The following EBF1 variants were observed in gnomAD, a reference collection of about 807,000 sequenced individuals.
EBF1 encodes EBF transcription factor 1.
In EBF1, 10 loss-of-function variants were observed where a neutral mutation model predicts 68.4. The observed-to-expected ratio is 0.15, with a 90% CI of 0.09 to 0.25. EBF1 has a LOEUF of 0.25. EBF1 is among the 10% of genes least tolerant of loss of function. The probability of loss-of-function intolerance (pLI) is 1.00; values close to 1 mark genes in which losing one functional copy is unlikely to be tolerated. For missense variants in EBF1, 509 were observed against 794.4 expected (o/e 0.64, Z 4.32); for synonymous variants, 298 against 299.8 (o/e 0.99, Z 0.06).
chr5:158,813,808 A>C (rs1031565691), intron 8 of EBF1, among the ~76,000 whole-genome samples: 1 of 152,164 alleles, frequency 6.6e-6, no homozygotes, highest in Non-Finnish European at 1.5e-5. Flanking sequence ...TCAAACAAAA[A>C]TATTTCAAAA....
chr5:158,783,062 A>G (rs1776733377), intron 9 of EBF1, among the ~76,000 whole-genome samples: 1 of 152,232 alleles, frequency 6.6e-6, no homozygotes, highest in South Asian at 2.1e-4. Context: ...CTTAAAAAGT[A>G]TGCCACACAA....
chr5:158,874,322 T>C (rs1346748678), intron 6 of EBF1, among the ~76,000 whole-genome samples: 1 of 152,176 alleles, frequency 6.6e-6, no homozygotes, highest in African/African-American at 2.4e-5. Context: ...CTATAGCATG[T>C]TCCTACCCTC....
chr5:158,718,718 G>A (rs1350790684), intron 11 of EBF1, among the ~76,000 whole-genome samples: 3 of 152,110 alleles, frequency 2.0e-5, no homozygotes, highest in Non-Finnish European at 2.9e-5. Context: ...TCAGAGCCTG[G>A]CTCTTGAAAA....
intron 10 of EBF1, among the ~76,000 whole-genome samples, chr5:158,775,662 C>G (rs1175822556): frequency 1.3e-5 from 2 of 151,740 alleles, no homozygotes; most frequent in Non-Finnish European, 2.9e-5. Flanking sequence ...AAACTCCCAT[C>G]CATTGGAATG....
At chr5:158,822,749 T>C (rs1380677815) in intron 8 of EBF1, among the ~76,000 whole-genome samples, 1 of 152,204 alleles carries the variant, frequency 6.6e-6, no homozygotes, top group Non-Finnish European at 1.5e-5. Flanking sequence ...AGAGGATGGG[T>C]TCATTATAAA....
intron 7 of EBF1, among the ~76,000 whole-genome samples, chr5:158,832,507 G>A (rs549516154): frequency 1.3e-5 from 2 of 152,208 alleles, no homozygotes; most frequent in South Asian, 2.1e-4. Flanking sequence ...GAGAGTGATC[G>A]CAGCTCGGGC....
chr5:158,961,142 C>G (rs992423263), intron 6 of EBF1, among the ~76,000 whole-genome samples: 6 of 152,184 alleles, frequency 3.9e-5, no homozygotes, highest in African/African-American at 1.4e-4. Flanking sequence ...TTCAGTTTAC[C>G]AAGTTGGTAC....
At chr5:158,935,076 T>A (rs1348694687) in intron 6 of EBF1, among the ~76,000 whole-genome samples, 1 of 152,232 alleles carries the variant, frequency 6.6e-6, no homozygotes, top group African/African-American at 2.4e-5. Flanking sequence ...AAAATACATT[T>A]AAGAAAAATT....
chr5:158,701,175 A>G (rs1756687088), intron 15 of EBF1, among the ~76,000 whole-genome samples: 1 of 152,136 alleles, frequency 6.6e-6, no homozygotes, highest in Non-Finnish European at 1.5e-5. Context: ...GTGCAAGTCT[A>G]CTTTCGCTTT....
At chr5:158,972,256 A>T (rs1377845439) in intron 6 of EBF1, among the ~76,000 whole-genome samples, 1 of 151,958 alleles carries the variant, frequency 6.6e-6, no homozygotes, top group Non-Finnish European at 1.5e-5. Flanking sequence ...ATGCCCTGTC[A>T]CTCAGCCCTC....
chr5:158,863,309 C>T (rs927847583), intron 6 of EBF1, among the ~76,000 whole-genome samples: 1 of 152,136 alleles, frequency 6.6e-6, no homozygotes, highest in Non-Finnish European at 1.5e-5. Context: ...AAGTTCCTCC[C>T]GACAGGAATA....
At chr5:158,885,020 A>C (rs1389677292) in intron 6 of EBF1, among the ~76,000 whole-genome samples, 1 of 152,236 alleles carries the variant, frequency 6.6e-6, no homozygotes, top group Non-Finnish European at 1.5e-5. Context: ...CAGGCAGCAG[A>C]TGCAGCATGT....
intron 6 of EBF1, among the ~76,000 whole-genome samples, chr5:158,878,484 C>T (rs906342419): frequency 2.0e-5 from 3 of 152,136 alleles, no homozygotes; most frequent in Non-Finnish European, 4.4e-5. Flanking sequence ...CTGCTAAATG[C>T]TATGTCTCAT....
At chr5:158,853,567 G>A (rs935505491) in intron 6 of EBF1, among the ~76,000 whole-genome samples, 2 of 152,158 alleles carry the variant, frequency 1.3e-5, no homozygotes, top group Non-Finnish European at 2.9e-5. Flanking sequence ...GTGGGGAGGA[G>A]AGAAGGTAAG....
chr5:159,069,891 A>G (rs1777513122), intron 6 of EBF1, among the ~76,000 whole-genome samples: 2 of 152,210 alleles, frequency 1.3e-5, no homozygotes, highest in Admixed American at 1.3e-4. Context: ...GGACACAAGG[A>G]TATCCAATGT....
intron 6 of EBF1, among the ~76,000 whole-genome samples, chr5:159,054,491 GA>G (rs1471548221): frequency 6.6e-6 from 1 of 152,090 alleles, no homozygotes; most frequent in Non-Finnish European, 1.5e-5. Context: ...TCTGCACATA[GA>G]AAAAAATTTT....
intron 7 of EBF1, among the ~76,000 whole-genome samples, chr5:158,829,255 C>A (rs1005354177): frequency 6.6e-6 from 1 of 152,092 alleles, no homozygotes; most frequent in African/African-American, 2.4e-5. Context: ...CAGCTTACTG[C>A]AACCTCTGCG....
At chr5:159,018,910 C>T (rs969845543) in intron 6 of EBF1, 1 of 152,198 alleles carries the variant, frequency 6.6e-6, no homozygotes, top group Non-Finnish European at 1.5e-5. Flanking sequence ...TGTCTATAAA[C>T]TGAAAATATG....
chr5:158,895,085 C>A (rs1030387927), intron 6 of EBF1, among the ~76,000 whole-genome samples: 5 of 151,926 alleles, frequency 3.3e-5, no homozygotes, highest in African/African-American at 1.2e-4. Context: ...AATTTATTTA[C>A]CATTGTCCAA....
Sources: allele counts gnomAD v4.1 joint callset (sites outside exome capture counted in the v4.1 genomes callset), GRCh38; gene constraint gnomAD v4.1.1; transcripts MANE v1.5; gene names NCBI Gene and HGNC (gene_info 2026-07-23, HGNC 2026-07-21).